The following HSCB variants were observed in gnomAD, a reference collection of about 807,000 sequenced individuals.
The protein encoded by HSCB is HscB mitochondrial iron-sulfur cluster cochaperone.
In HSCB, 23 loss-of-function variants were observed where a neutral mutation model predicts 31.3. The observed-to-expected ratio is 0.74, with a 90% CI of 0.53 to 1.04. The LOEUF is 1.04. Ranked by LOEUF, HSCB falls within the 50% of genes least tolerant of loss-of-function variation. The pLI is 0.00. For synonymous variants in HSCB, 110 were observed against 104.5 expected, an observed-to-expected ratio of 1.05 and a Z score of -0.32; for missense variants, 297 against 288.1, an observed-to-expected ratio of 1.03 and a Z score of -0.22.
intron 4 of HSCB, among the ~76,000 whole-genome samples, 200 bp downstream of exon 4, chr22:28,746,208 C>T (rs1344086053): frequency 5.9e-5 from 9 of 151,804 alleles, no homozygotes; most frequent in Non-Finnish European, 1.3e-4. Context: ...TGGTAAAACC[C>T]TGTCTCTACT....
At chr22:28,743,437 CAGAAATCTGACTAA>C (rs1317435878) in intron 1 of HSCB, among the ~76,000 whole-genome samples, 1 of 152,200 alleles carries the variant, frequency 6.6e-6, no homozygotes, top group Non-Finnish European at 1.5e-5. Context: ...GGAGAAGGTT[CAGAAATCTGACTAA>C]AGTTTGGCCA....
chr22:28,750,972 TGATTCTATAGCCA>T (rs2030202214), intron 4 of HSCB, among the ~76,000 whole-genome samples: 2 of 141,806 alleles, frequency 1.4e-5, no homozygotes, highest in South Asian at 2.4e-4. Flanking sequence ...TTTTTTTTAC[TGATTCTATAGCCA>T]TTTTATAAGC....
intron 5 of HSCB, among the ~76,000 whole-genome samples, chr22:28,752,962 C>T (rs1238010578): frequency 1.3e-5 from 2 of 151,544 alleles, no homozygotes; most frequent in Admixed American, 1.3e-4. Flanking sequence ...GCCTGTAATC[C>T]CAGCTACTCC....
chr22:28,753,537 A>G (rs1601403702), intron 5 of HSCB, among the ~76,000 whole-genome samples: 1 of 151,114 alleles, frequency 6.6e-6, no homozygotes. Flanking sequence ...TCAAAAAAAA[A>G]GGATAGAAAT....
At position 28,751,614 on chromosome 22, in the gene HSCB, A is replaced by G. The variant is rs764354853; in HGVS notation, c.616+326A>G. ...TACAAAATTAACTGGGTGTGGTGGC[A>G]CAACGCCTGTAGTCCCAGCTACTTG... is the stretch of plus-strand genomic sequence containing the variant. On this transcript the variant is annotated intron_variant, in intron 5 of 5. Coordinates refer to ENST00000216027, the MANE Select transcript of HSCB (RefSeq NM_172002.5). Among the ~76,000 whole-genome samples the G allele has an allele frequency of 2.4e-4, 37 of 152,190 alleles. 1 individual carries two copies. Among genetic ancestry groups the G allele is most frequent in the Non-Finnish European group, 5.0e-4 (34 of 67,988 alleles).
chr22:28,749,348 C>T (rs966168002), intron 4 of HSCB, among the ~76,000 whole-genome samples: 3 of 152,096 alleles, frequency 2.0e-5, no homozygotes, highest in Admixed American at 6.6e-5. Flanking sequence ...TCCTCTCCTC[C>T]GCCCCATTTA....
chr22:28,752,782 T>A (rs1349239018), intron 5 of HSCB, among the ~76,000 whole-genome samples: 1 of 148,350 alleles, frequency 6.7e-6, no homozygotes, highest in Non-Finnish European at 1.5e-5. Context: ...GTAAAAAAAA[T>A]GTTAAAAGAA....
At chr22:28,751,212 A>C in intron 4 of HSCB, 29 bp from the exon 5 acceptor site, 1 of 1,489,494 alleles carries the variant, frequency 6.7e-7, no homozygotes, top group Non-Finnish European at 9.3e-7. Context: ...TTTCAATGGA[A>C]AAATTAACAG....
At chr22:28,746,251 G>C in intron 4 of HSCB, among the ~76,000 whole-genome samples, 1 of 151,670 alleles carries the variant, frequency 6.6e-6, no homozygotes, top group East Asian at 1.9e-4. Flanking sequence ...CGTGGTGGCG[G>C]GTGCCTGTAG....
intron 4 of HSCB, among the ~76,000 whole-genome samples, chr22:28,749,165 A>G (rs2030052642): frequency 6.6e-6 from 1 of 151,862 alleles, no homozygotes; most frequent in Admixed American, 6.6e-5. Flanking sequence ...AAAACTTTTA[A>G]GTGGCTTCTC....
intron 5 of HSCB, among the ~76,000 whole-genome samples, chr22:28,755,037 G>A (rs80287971): frequency 3.4e-5 from 5 of 149,216 alleles, no homozygotes; most frequent in South Asian, 2.2e-4. Context: ...CTCATGATCC[G>A]CCCACCTCGG....
chr22:28,742,255 G>A lies in HSCB; in HGVS notation c.160G>A (p.Asp54Asn). ...CGGPWGPGRE[D>N]RFFCPQCRAL... ...CGGCCCATGGGGCCCCGGGCGGGAG[G>A]ACAGGTTCTTCTGCCCACAGTGCCG... The change falls in exon 1 of 6, where the codon GAC becomes AAC. Residue 54 changes from aspartate (D) to asparagine (N), a missense_variant. Physicochemically the swap from Asp to Asn is conservative, Grantham distance 23. Coordinates refer to ENST00000216027, the MANE Select transcript of HSCB (RefSeq NM_172002.5). The A allele has an allele frequency of 6.2e-7, 1 of 1,614,088 alleles. No individual in the cohort carries two copies. Among genetic ancestry groups the A allele is most frequent in the African/African-American group, 1.3e-5 (1 of 75,058 alleles).
chr22:28,749,135 C>T lies in HSCB; in HGVS notation c.569-2106C>T, dbSNP rs115143465. ...CAGTTTCAGCAACAGAGCGAAAACA[C>T]GTCTCAAAGAAAAAAAAAAAAAACT... On this transcript the variant is annotated intron_variant, in intron 4 of 5. Coordinates refer to ENST00000216027, the MANE Select transcript of HSCB (RefSeq NM_172002.5). Among the ~76,000 whole-genome samples, 332 of 135,986 alleles carry T rather than the reference C, an allele frequency of 2.4e-3. 3 individuals are homozygous for T. Among genetic ancestry groups the T allele is most frequent in the African/African-American group, 9.3e-3 (321 of 34,422 alleles). The allele number at this position is 135,986 out of a possible 152,430, so 89.2% of individuals were successfully genotyped here.
intron 4 of HSCB, among the ~76,000 whole-genome samples, chr22:28,750,943 G>GTTTTTTTTTT (rs1202821377): frequency 1.6e-5 from 1 of 62,050 alleles, no homozygotes; most frequent in Non-Finnish European, 3.1e-5. Flanking sequence ...GTATATCTTT[G>GTTTTTTTTTT]TCTTTTTTTT....
In HSCB at chr22:28,757,125, T is replaced by C. The variant is rs764742136; in HGVS notation, c.664T>C (p.Ser222Pro). The change falls in exon 6 of 6, where the codon TCA (serine) becomes CCA (proline). Residue 222 changes from serine (S) to proline (P), a missense_variant. Physicochemically the swap from Ser to Pro is moderately conservative, Grantham distance 74 (BLOSUM62 -1). Coordinates refer to ENST00000216027, the MANE Select transcript of HSCB (RefSeq NM_172002.5). ...AATTTTGACAAAGATGAGATACTTT[T>C]CAAATATAGAAGAAAAGATCAAGTT... ...KEILTKMRYFSNIEEKIKLKK... is the reference protein window; with the variant it reads ...KEILTKMRYFPNIEEKIKLKK... 1 of 1,572,398 alleles carries C rather than the reference T, an allele frequency of 6.4e-7. No individual in the cohort carries two copies.
intron 5 of HSCB, among the ~76,000 whole-genome samples, chr22:28,753,829 C>T (rs1309291737): frequency 6.7e-6 from 1 of 149,314 alleles, no homozygotes; most frequent in Non-Finnish European, 1.5e-5. Flanking sequence ...CACAGGGAGA[C>T]TCCATCTCAA....
chr22:28,746,830 C>T (rs1265705209), intron 4 of HSCB, among the ~76,000 whole-genome samples: 1 of 150,822 alleles, frequency 6.6e-6, no homozygotes, highest in Non-Finnish European at 1.5e-5. Context: ...GCTTGGGAGG[C>T]GGAGCTTGCA....
chr22:28,742,225 T>C lies in HSCB; in HGVS notation c.130T>C (p.Cys44Arg), dbSNP rs536910933. 6.2e-7 allele frequency: 1 copy of C among 1,613,938 alleles called. No individual in the cohort carries two copies. The highest frequency in any genetic ancestry group is 2.2e-5 in the East Asian group (1 of 44,864). Residue 44 changes from cysteine to arginine, a missense_variant, in exon 1 of 6, where the codon TGC (cysteine) becomes CGC (arginine). By Grantham distance (180) the Cys-to-Arg change is radical. Coordinates refer to ENST00000216027, the MANE Select transcript of HSCB (RefSeq NM_172002.5). Reference sequence around the variant, plus strand: ...AAGCAATTATCCCCGCTGTTGGAACTGCGGCGGCCCATGGGGCCCCGGGCG... The same window carrying C: ...AAGCAATTATCCCCGCTGTTGGAACCGCGGCGGCCCATGGGGCCCCGGGCG... ...AGSNYPRCWN[C>R]GGPWGPGRED... is the part of the protein sequence containing the mutation.
rs116568199 is a variant in HSCB at position 28,742,127 on chromosome 22, G to A, written c.32G>A (p.Arg11Gln). The A allele has an allele frequency of 3.2e-4, 518 of 1,609,594 alleles. 2 individuals carry two copies. In the East Asian group the frequency reaches 8.9e-3, roughly 28 times the overall value. MWRGRAGALL[R>Q]VWGFWPTGVP... ...CGGGGGAGAGCCGGGGCTTTGCTCCGGGTGTGGGGGTTTTGGCCGACAGGG... is the reference window on the plus strand; with the variant it reads ...CGGGGGAGAGCCGGGGCTTTGCTCCAGGTGTGGGGGTTTTGGCCGACAGGG... Residue 11 changes from arginine (R) to glutamine (Q), a missense_variant, in exon 1 of 6, where the codon CGG (arginine) becomes CAG (glutamine). Coordinates refer to ENST00000216027, the MANE Select transcript of HSCB (RefSeq NM_172002.5).
Sources: allele counts gnomAD v4.1 joint callset (sites outside exome capture counted in the v4.1 genomes callset), GRCh38; gene constraint gnomAD v4.1.1; transcripts MANE v1.5; gene names NCBI Gene and HGNC (gene_info 2026-07-23, HGNC 2026-07-21).